Variants in PRKN observed in about 807,000 individuals in gnomAD.
PRKN encodes the protein E3 ubiquitin-protein ligase parkin.
A neutral mutation model predicts 59.5 loss-of-function variants in PRKN; 56 were observed. The observed-to-expected ratio is 0.94, with a 90% CI of 0.76 to 1.18. PRKN has a LOEUF of 1.18. Among genes scored for constraint, PRKN ranks in the 50% most tolerant of loss-of-function variants. The pLI is 0.00. For synonymous variants in PRKN, 250 were observed against 222.1 expected (o/e 1.13, Z -1.12); for missense variants, 657 against 596.4 (o/e 1.10, Z -1.06).
At chr6:162,259,337 T>G (rs2128099018) in intron 3 of PRKN, among the ~76,000 whole-genome samples, 1 of 152,326 alleles carries the variant, frequency 6.6e-6, no homozygotes, top group African/African-American at 2.4e-5. Flanking sequence ...CTGGAAAACC[T>G]TAGCCATAGG....
intron 6 of PRKN, among the ~76,000 whole-genome samples, chr6:161,940,366 CA>C (rs2128242890): frequency 6.6e-6 from 1 of 152,272 alleles, no homozygotes; most frequent in East Asian, 1.9e-4. Flanking sequence ...AGGACAGAGC[CA>C]TTGAGACCAC....
intron 6 of PRKN, among the ~76,000 whole-genome samples, chr6:161,897,813 C>CA (rs1366310472): frequency 9.6e-6 from 1 of 104,266 alleles, no homozygotes; most frequent in Non-Finnish European, 1.7e-5. Flanking sequence ...ACTGAAAATA[C>CA]AAAAAGTTCC....
intron 1 of PRKN, among the ~76,000 whole-genome samples, chr6:162,503,479 C>G (rs796308971): frequency 2.6e-5 from 4 of 152,176 alleles, no homozygotes; most frequent in African/African-American, 9.6e-5. Flanking sequence ...TCCTTCCTTT[C>G]AAAGAAACAT....
chr6:162,550,526 T>A (rs540619293), intron 1 of PRKN, among the ~76,000 whole-genome samples: 289 of 152,258 alleles, frequency 1.9e-3, no homozygotes, highest in Non-Finnish European at 2.6e-3. Context: ...TCCTTGTCAG[T>A]CTTTGGTTAA....
intron 2 of PRKN, among the ~76,000 whole-genome samples, chr6:162,382,094 G>C (rs1786521802): frequency 2.0e-5 from 3 of 152,138 alleles, no homozygotes; most frequent in Non-Finnish European, 4.4e-5. Flanking sequence ...ATTAAAACTA[G>C]ATTTTTATTT....
At chr6:161,631,646 C>T (rs940095174) in intron 7 of PRKN, among the ~76,000 whole-genome samples, 1 of 152,156 alleles carries the variant, frequency 6.6e-6, no homozygotes, top group African/African-American at 2.4e-5. Context: ...AGTTTTCATT[C>T]AATGGGGAGA....
At chr6:162,711,354 C>T (rs1020748288) in intron 1 of PRKN, among the ~76,000 whole-genome samples, 3 of 151,406 alleles carry the variant, frequency 2.0e-5, no homozygotes, top group Non-Finnish European at 4.4e-5. Flanking sequence ...GATACAGATG[C>T]CTGCAGTAAG....
intron 3 of PRKN, among the ~76,000 whole-genome samples, chr6:162,258,127 C>A (rs888897325): frequency 6.6e-6 from 1 of 152,182 alleles, no homozygotes; most frequent in Non-Finnish European, 1.5e-5. Context: ...GCTCATCACA[C>A]AGGCCTCGCG....
chr6:162,613,588 A>G (rs866505909), intron 1 of PRKN, among the ~76,000 whole-genome samples: 1 of 152,226 alleles, frequency 6.6e-6, no homozygotes, highest in Non-Finnish European at 1.5e-5. Flanking sequence ...TTGAAGATAA[A>G]TAACTCATTT....
intron 2 of PRKN, among the ~76,000 whole-genome samples, chr6:162,418,439 A>G (rs566413669): frequency 1.3e-5 from 2 of 152,194 alleles, no homozygotes; most frequent in South Asian, 2.1e-4. Context: ...AACGCTCCCA[A>G]GATACTAAAA....
chr6:161,885,468 T>A (rs1352598126), intron 6 of PRKN, among the ~76,000 whole-genome samples: 2 of 151,920 alleles, frequency 1.3e-5, no homozygotes, highest in East Asian at 3.9e-4. Flanking sequence ...ATAGAGACCA[T>A]CCTGGCTAAC....
chr6:161,708,764 G>A (rs998487154), intron 7 of PRKN, among the ~76,000 whole-genome samples: 5 of 152,130 alleles, frequency 3.3e-5, no homozygotes, highest in African/African-American at 9.7e-5. Flanking sequence ...ACGATGCAGC[G>A]ACGTGCCCCA....
At position 162,511,109 on chromosome 6, in the gene PRKN, A is replaced by G. The variant is rs555695605; in HGVS notation, c.8-67636T>C. Among the ~76,000 whole-genome samples, 4 of 152,222 alleles carry G rather than the reference A, an allele frequency of 2.6e-5. No homozygotes were observed. In the South Asian group the frequency reaches 8.3e-4, roughly 32 times the overall value. On this transcript the variant is annotated intron_variant, in intron 1 of 11. Coordinates refer to ENST00000366898, the MANE Select transcript of PRKN (RefSeq NM_004562.3). ...AATATTTTTTCATGATTGAGATCTT[A>G]AAGTTTTTCTATAGAAAATAACCCA... is the stretch of plus-strand genomic sequence containing the variant.
At chr6:161,779,440 C>CTTTTCTTT (rs1790102520) in intron 7 of PRKN, among the ~76,000 whole-genome samples, 2 of 41,848 alleles carry the variant, frequency 4.8e-5, no homozygotes, top group African/African-American at 2.0e-4. Flanking sequence ...CTTTTCTTTT[C>CTTTTCTTT]TTTTTTTTTT....
intron 7 of PRKN, among the ~76,000 whole-genome samples, chr6:161,617,991 G>A (rs1225363515): frequency 4.6e-5 from 7 of 152,190 alleles, no homozygotes; most frequent in Admixed American, 3.9e-4. Flanking sequence ...AAAATGTGCA[G>A]GTAGAACCAG....
intron 1 of PRKN, among the ~76,000 whole-genome samples, chr6:162,653,465 G>A (rs1778525169): frequency 1.3e-5 from 2 of 152,054 alleles, no homozygotes; most frequent in Non-Finnish European, 2.9e-5. Context: ...TCTTCTCATA[G>A]AAAATCTTAG....
chr6:161,873,477 C>T (rs1018587641), intron 6 of PRKN, among the ~76,000 whole-genome samples: 2 of 151,854 alleles, frequency 1.3e-5, no homozygotes, highest in Non-Finnish European at 2.9e-5. Context: ...CAATGCGTAT[C>T]GGACTCGAGA....
rs1161771815 is a variant in PRKN, at chr6:161,451,376, T to C, written c.1084-64499A>G. ...CTTGATTTTGGGACCAAGCATTGAA[T>C]ATAAAGTTAGGATGTGGCCTGATTA... On this transcript the variant is annotated intron_variant, in intron 9 of 11. Coordinates refer to ENST00000366898, the MANE Select transcript of PRKN (RefSeq NM_004562.3). The surrounding 1 kb of genome is among the most constrained non-coding windows in gnomAD (Gnocchi z 5.9). Among the ~76,000 whole-genome samples the C allele has an allele frequency of 6.6e-6, 1 of 152,172 alleles. No homozygotes were observed. The highest frequency in any genetic ancestry group is 2.4e-5 in the African/African-American group (1 of 41,428).
intron 2 of PRKN, among the ~76,000 whole-genome samples, chr6:162,297,484 G>A (rs183933338): frequency 2.4e-4 from 37 of 152,224 alleles, no homozygotes; most frequent in Admixed American, 1.8e-3. Flanking sequence ...AAGAACTTCT[G>A]TTTGAAGAGT....
Sources: allele counts gnomAD v4.1 joint callset (sites outside exome capture counted in the v4.1 genomes callset), GRCh38; gene constraint gnomAD v4.1.1; non-coding constraint Gnocchi (gnomAD v3.1); transcripts MANE v1.5; gene names NCBI Gene and HGNC (gene_info 2026-07-23, HGNC 2026-07-21).